Variants in PSMC4 observed in about 807,000 individuals in gnomAD.
PSMC4 encodes the protein proteasome 26S subunit, ATPase 4.
Under a neutral mutation model 48.4 loss-of-function variants are expected in PSMC4, and 13 were observed. The observed-to-expected ratio is 0.27, with a 90% confidence interval of 0.18 to 0.43. The LOEUF is 0.43. Among genes scored for constraint, PSMC4 ranks in the 20% least tolerant of loss-of-function variants. The pLI, the probability that PSMC4 is intolerant of heterozygous loss-of-function variation, is 1.00. For missense variants in PSMC4, 262 were observed against 555.9 expected (o/e 0.47, Z 5.32); for synonymous variants, 202 against 212.3 (o/e 0.95, Z 0.42).
intron 6 of PSMC4, among the ~76,000 whole-genome samples, chr19:39,978,209 G>A (rs1043520010): frequency 4.6e-5 from 7 of 152,136 alleles, no homozygotes; most frequent in African/African-American, 1.7e-4. Context: ...CCCATTCCAG[G>A]ATAGGTGGAA....
intron 1 of PSMC4, 69 bp downstream of exon 1, chr19:39,971,307 T>A (rs961177561): frequency 1.0e-5 from 16 of 1,585,704 alleles, no homozygotes; most frequent in Admixed American, 1.7e-5. Context: ...CAGACCTGAG[T>A]GGGGGGAGGA....
At chr19:39,973,463 C>T (rs1971138251) in intron 3 of PSMC4, among the ~76,000 whole-genome samples, 1 of 151,888 alleles carries the variant, frequency 6.6e-6, no homozygotes, top group Non-Finnish European at 1.5e-5. Context: ...ACACACTTGC[C>T]ATCCCAGCTA....
rs765963808 is a variant in PSMC4 at position 39,971,254 on chromosome 19, G to A, written c.36+16G>A. On this transcript the variant is annotated intron_variant, in intron 1 of 10. Coordinates refer to ENST00000157812, the MANE Select transcript of PSMC4 (RefSeq NM_006503.4). ...GAAGGCTCAGGTACAGTGGGGACTTGGGCTTTTTAGTCCGGGCCGGGCTCG... is the reference window on the plus strand; with the variant it reads ...GAAGGCTCAGGTACAGTGGGGACTTAGGCTTTTTAGTCCGGGCCGGGCTCG... The A allele has an allele frequency of 6.2e-7, 1 of 1,614,102 alleles. No individual in the cohort carries two copies. Among genetic ancestry groups the A allele is most frequent in the South Asian group, 1.1e-5 (1 of 91,058 alleles).
At chr19:39,975,577 G>C (rs1971184370) in intron 6 of PSMC4, among the ~76,000 whole-genome samples, 1 of 152,102 alleles carries the variant, frequency 6.6e-6, no homozygotes, top group African/African-American at 2.4e-5. Flanking sequence ...TCTGGGGCTA[G>C]ACTGCCTGGC....
chr19:39,974,686 G>A lies in PSMC4; in HGVS notation c.580-49G>A, dbSNP rs753383565. On this transcript the variant is annotated intron_variant, in intron 5 of 10. Coordinates refer to ENST00000157812, the MANE Select transcript of PSMC4 (RefSeq NM_006503.4). The surrounding 1 kb of genome is among the most constrained non-coding windows in gnomAD (Gnocchi z 5.5). The stretch of plus-strand genomic sequence containing the variant: ...GAGAGGCCCCATTGGGTCTGGGGTT[G>A]GAGGTGGAACCCCTGACTCCCACTT... 6.2e-7 allele frequency: 1 copy of A among 1,610,390 alleles called. No individual in the cohort carries two copies. The highest frequency in any genetic ancestry group is 8.5e-7 in the Non-Finnish European group (1 of 1,176,730).
At chr19:39,978,509 G>A (rs1040996367) in intron 6 of PSMC4, among the ~76,000 whole-genome samples, 3 of 152,152 alleles carry the variant, frequency 2.0e-5, no homozygotes, top group Non-Finnish European at 4.4e-5. Flanking sequence ...TCAAGAAAGA[G>A]GGACCCCTTG....
Position 39,974,666 on chromosome 19 carries a change from G to T in PSMC4, c.579+33G>T. The T allele has an allele frequency of 6.4e-7, 1 of 1,571,158 alleles. No individual in the cohort carries two copies. Among genetic ancestry groups the T allele is most frequent in the South Asian group, 1.1e-5 (1 of 89,586 alleles). ...GGTGCAGGTGGCAGGGAAGGGAGAG[G>T]CCCCATTGGGTCTGGGGTTGGAGGT... On this transcript the variant is annotated intron_variant, in intron 5 of 10. Coordinates refer to ENST00000157812, the MANE Select transcript of PSMC4 (RefSeq NM_006503.4). This position sits in a 1 kb window ranked among gnomAD's most constrained non-coding sequence, Gnocchi z 5.5.
In PSMC4 at chr19:39,980,182, G is replaced by A; in HGVS notation, c.918+36G>A. ...TGGGATGGACAAGGGGAGGTGTGGT[G>A]TAGGAACTGGGGAAAGTTGGGGGCT... On this transcript the variant is annotated intron_variant, in intron 8 of 10. Coordinates refer to ENST00000157812, the MANE Select transcript of PSMC4 (RefSeq NM_006503.4). This position sits in a 1 kb window ranked among gnomAD's most constrained non-coding sequence, Gnocchi z 4.8. The A allele has an allele frequency of 1.2e-6, 2 of 1,613,874 alleles. No homozygotes were observed. The highest frequency in any genetic ancestry group is 1.7e-6 in the Non-Finnish European group (2 of 1,179,856).
chr19:39,974,163 G>C lies in PSMC4; in HGVS notation c.323-131G>C. The C allele has an allele frequency of 1.8e-6, 2 of 1,111,530 alleles. No homozygotes were observed. Among genetic ancestry groups the C allele is most frequent in the Non-Finnish European group, 2.5e-6 (2 of 786,730 alleles). The allele number at this position is 1,111,530 out of a possible 1,614,324, so 68.9% of individuals were successfully genotyped here. ...ACTGGGGACGGACAGCAGGAGGGAA[G>C]GCTGGAGGCCGAGAGGGGACCCCTC... On this transcript the variant is annotated intron_variant, in intron 3 of 10. Coordinates refer to ENST00000157812, the MANE Select transcript of PSMC4 (RefSeq NM_006503.4). The surrounding 1 kb of genome is among the most constrained non-coding windows in gnomAD (Gnocchi z 5.5).
Position 39,974,938 on chromosome 19 carries a change from G to A in PSMC4, c.673+110G>A. ...ATTAGAAACAGACTCTGGGGTCATA[G>A]CCCACGTGTGCATGTTACTGGCTGT... On this transcript the variant is annotated intron_variant, in intron 6 of 10. Coordinates refer to ENST00000157812, the MANE Select transcript of PSMC4 (RefSeq NM_006503.4). The surrounding 1 kb of genome is among the most constrained non-coding windows in gnomAD (Gnocchi z 5.5). 2 of 1,044,468 alleles carry A rather than the reference G, an allele frequency of 1.9e-6. No individual in the cohort carries two copies. Among genetic ancestry groups the A allele is most frequent in the Non-Finnish European group, 2.8e-6 (2 of 717,064 alleles). 64.7% of individuals were successfully genotyped at this position (1,044,468 alleles called of 1,614,324 possible).
At position 39,974,170 on chromosome 19, in the gene PSMC4, G is replaced by T. The variant is rs1172534862; in HGVS notation, c.323-124G>T. The T allele has an allele frequency of 8.3e-7, 1 of 1,208,842 alleles. No homozygotes were observed. Among genetic ancestry groups the T allele is most frequent in the Non-Finnish European group, 1.1e-6 (1 of 871,216 alleles). 74.9% of individuals were successfully genotyped at this position (1,208,842 alleles called of 1,614,324 possible). ...ACGGACAGCAGGAGGGAAGGCTGGA[G>T]GCCGAGAGGGGACCCCTCAGGGTCT... On this transcript the variant is annotated intron_variant, in intron 3 of 10. Transcript: ENST00000157812. This position sits in a 1 kb window ranked among gnomAD's most constrained non-coding sequence, Gnocchi z 5.5.
At position 39,980,826 on chromosome 19, in the gene PSMC4, C is replaced by A; in HGVS notation, c.1143+109C>A. The A allele has an allele frequency of 9.3e-7, 1 of 1,079,694 alleles. No individual in the cohort carries two copies. Among genetic ancestry groups the A allele is most frequent in the Non-Finnish European group, 1.4e-6 (1 of 699,532 alleles). The allele number at this position is 1,079,694 out of a possible 1,614,324, so 66.9% of individuals were successfully genotyped here. ...CCTCATGGCTGCCCTGGGTCGTGGGCGCCATCTCTCTCTTCCTCTACCATC... is the reference window on the plus strand; with the variant it reads ...CCTCATGGCTGCCCTGGGTCGTGGGAGCCATCTCTCTCTTCCTCTACCATC... On this transcript the variant is annotated intron_variant, in intron 10 of 10. Coordinates refer to ENST00000157812, the MANE Select transcript of PSMC4 (RefSeq NM_006503.4). The surrounding 1 kb of genome is among the most constrained non-coding windows in gnomAD (Gnocchi z 4.8).
chr19:39,977,163 T>C (rs1971216812), intron 6 of PSMC4, among the ~76,000 whole-genome samples: 1 of 152,286 alleles, frequency 6.6e-6, no homozygotes, highest in South Asian at 2.1e-4. Context: ...GTGATTTTTT[T>C]TTTTAAGCTC....
rs752820559 is a variant in PSMC4 at position 39,980,482 on chromosome 19, G to A, written c.1087+28G>A. ...ATCCTGCTCCAGAAGTCAGGGAGGG[G>A]CCCTAGTTGGGAACGGGGATTAGAT... On this transcript the variant is annotated intron_variant, in intron 9 of 10. Transcript: ENST00000157812. This position sits in a 1 kb window ranked among gnomAD's most constrained non-coding sequence, Gnocchi z 4.8. The A allele has an allele frequency of 5.6e-6, 9 of 1,612,316 alleles. No individual in the cohort carries two copies. The East Asian group carries it at 2.0e-4, about 36-fold the overall frequency.
intron 6 of PSMC4, among the ~76,000 whole-genome samples, chr19:39,976,665 C>T (rs1470334316): frequency 6.6e-6 from 1 of 150,996 alleles, no homozygotes; most frequent in Non-Finnish European, 1.5e-5. Context: ...CCCGCCACCA[C>T]GCCCGGCTAA....
At chr19:39,979,135 T>C (rs1242902361) in intron 6 of PSMC4, among the ~76,000 whole-genome samples, 1 of 152,212 alleles carries the variant, frequency 6.6e-6, no homozygotes, top group Non-Finnish European at 1.5e-5. Flanking sequence ...GGCGAGGCAG[T>C]ATGATGTCTT....
Position 39,974,304 on chromosome 19 carries a change from T to A in PSMC4, c.333T>A (p.Tyr111Ter). Residue 111 changes from tyrosine to a stop codon, truncating the protein, a stop_gained, in exon 4 of 11, where the codon TAT becomes TAA. Transcript: ENST00000157812. LOFTEE classifies it high-confidence loss of function. The surrounding 1 kb of genome is among the most constrained non-coding windows in gnomAD (Gnocchi z 5.5). ...TCTCCCTTCTCGCAGGCTCCAACTA[T>A]TATGTGCGCATCCTGAGCACCATCG... is the stretch of plus-strand genomic sequence containing the variant. ...AIVGSTTGSN[Y>*]YVRILSTIDR... The A allele has an allele frequency of 6.2e-7, 1 of 1,614,106 alleles. No homozygotes were observed. The highest frequency in any genetic ancestry group is 8.5e-7 in the Non-Finnish European group (1 of 1,180,014).
In PSMC4 at chr19:39,977,879, G is replaced by A. The variant is rs190130102; in HGVS notation, c.674-1938G>A. On this transcript the variant is annotated intron_variant, in intron 6 of 10. Coordinates refer to ENST00000157812, the MANE Select transcript of PSMC4 (RefSeq NM_006503.4). Reference sequence around the variant, plus strand: ...GTCACCCAGGCTGGAGTGCAGTGGTGTGATCATAGCCCACTGCAACCTTAA... The same window carrying A: ...GTCACCCAGGCTGGAGTGCAGTGGTATGATCATAGCCCACTGCAACCTTAA... 3.3e-5 allele frequency among the ~76,000 whole-genome samples: 5 copies of A among 151,012 alleles called. No individual in the cohort carries two copies. In the South Asian group the frequency reaches 8.3e-4, roughly 25 times the overall value.
rs762047596 is a variant in PSMC4, at chr19:39,981,177, C to T, written c.1144-15C>T. The T allele has an allele frequency of 1.9e-6, 3 of 1,603,666 alleles. No individual in the cohort carries two copies. The East Asian group carries it at 6.7e-5, about 36-fold the overall frequency. ...CTGCCACAGGAAGTAGATTTTAACT[C>T]TCATCCTTCAACAGAGTGGAATGTT... On this transcript the variant is annotated splice_polypyrimidine_tract_variant and intron_variant, in intron 10 of 10. Coordinates refer to ENST00000157812, the MANE Select transcript of PSMC4 (RefSeq NM_006503.4).
Sources: gnomAD v4.1 joint callset for allele counts (sites outside exome capture counted in the v4.1 genomes callset) on GRCh38, gnomAD v4.1.1 for gene constraint, Gnocchi (gnomAD v3.1) non-coding constraint, MANE v1.5 for transcripts, NCBI Gene and HGNC (gene_info 2026-07-23, HGNC 2026-07-21) for gene names.